The following PTPRM variants were observed in gnomAD, a reference collection of about 807,000 sequenced individuals.
The protein encoded by PTPRM is protein tyrosine phosphatase receptor type M.
In PTPRM, 47 loss-of-function variants were observed where a neutral mutation model predicts 186.7. The observed-to-expected ratio is 0.25, with a 90% confidence interval of 0.20 to 0.32. The LOEUF is 0.32. Among genes scored for constraint, PTPRM ranks in the 10% least tolerant of loss-of-function variants. The pLI is 1.00. For synonymous variants in PTPRM, 668 were observed against 674.9 expected (o/e 0.99, Z 0.16); for missense variants, 1,494 against 1,865.0 (o/e 0.80, Z 3.66).
chr18:7,993,614 C>T (rs574369309), intron 7 of PTPRM, among the ~76,000 whole-genome samples: 2 of 152,158 alleles, frequency 1.3e-5, no homozygotes, highest in East Asian at 3.9e-4. Context: ...GTGAAGAATA[C>T]TATATTCACC....
intron 14 of PTPRM, among the ~76,000 whole-genome samples, chr18:8,227,179 C>A (rs1186173165): frequency 6.6e-6 from 1 of 152,174 alleles, no homozygotes; most frequent in Non-Finnish European, 1.5e-5. Flanking sequence ...TATGCACCAA[C>A]CTAATAAAAT....
chr18:8,164,247 C>T (rs374425296), intron 14 of PTPRM, among the ~76,000 whole-genome samples: 8 of 152,174 alleles, frequency 5.3e-5, no homozygotes, highest in Non-Finnish European at 1.0e-4. Context: ...TCTTTAACAG[C>T]ATGCAGTCCC....
At chr18:8,209,007 G>C (rs1476206520) in intron 14 of PTPRM, among the ~76,000 whole-genome samples, 1 of 152,176 alleles carries the variant, frequency 6.6e-6, no homozygotes, top group Non-Finnish European at 1.5e-5. Flanking sequence ...GGCAGTTTAG[G>C]TCTGTGCTGG....
chr18:7,920,179 C>G (rs376845571), intron 4 of PTPRM, among the ~76,000 whole-genome samples: 8 of 152,020 alleles, frequency 5.3e-5, no homozygotes, highest in African/African-American at 1.7e-4. Flanking sequence ...ATAATTTGCT[C>G]CATTTACATT....
intron 23 of PTPRM, among the ~76,000 whole-genome samples, chr18:8,344,383 GAT>G (rs61028996): frequency 6.2e-5 from 9 of 144,826 alleles, no homozygotes; most frequent in South Asian, 2.2e-4. Flanking sequence ...CAGTAAGTAG[GAT>G]ATATATATAT....
At chr18:7,929,289 G>T (rs1179682140) in intron 5 of PTPRM, among the ~76,000 whole-genome samples, 2 of 152,108 alleles carry the variant, frequency 1.3e-5, no homozygotes, top group African/African-American at 4.8e-5. Context: ...TCCATGTACT[G>T]ATCTTTGAAT....
intron 14 of PTPRM, among the ~76,000 whole-genome samples, chr18:8,182,003 G>C (rs940564283): frequency 1.3e-5 from 2 of 152,096 alleles, no homozygotes; most frequent in African/African-American, 4.8e-5. Context: ...TACCTTAGGA[G>C]CTAGCTGCCT....
chr18:8,401,883 C>A (rs1170208506), intron 32 of PTPRM, among the ~76,000 whole-genome samples: 1 of 152,194 alleles, frequency 6.6e-6, no homozygotes, highest in African/African-American at 2.4e-5. Context: ...CGTCAGGGAC[C>A]TTGGTGAGGA....
intron 2 of PTPRM, among the ~76,000 whole-genome samples, chr18:7,776,022 C>T (rs1448786532): frequency 6.6e-6 from 1 of 152,180 alleles, no homozygotes; most frequent in African/African-American, 2.4e-5. Context: ...CAGGTGTATC[C>T]TGGCACAGCC....
chr18:7,697,642 A>C (rs961109605), intron 1 of PTPRM, among the ~76,000 whole-genome samples: 5 of 152,220 alleles, frequency 3.3e-5, no homozygotes, highest in African/African-American at 1.2e-4. Context: ...GATCCTTGTC[A>C]AACTATGAGA....
chr18:7,870,891 G>A (rs2047951028), intron 2 of PTPRM, among the ~76,000 whole-genome samples: 1 of 152,150 alleles, frequency 6.6e-6, no homozygotes, highest in Non-Finnish European at 1.5e-5. Flanking sequence ...AACTCTCATG[G>A]GGATAAAGTA....
intron 23 of PTPRM, among the ~76,000 whole-genome samples, chr18:8,355,362 C>T (rs62085048): frequency 0.089 from 13,568 of 151,990 alleles, 665 homozygotes; most frequent in African/African-American, 0.12. Context: ...AATTAATTGG[C>T]AAAGGAGGGA....
At chr18:8,193,854 G>A (rs1159863345) in intron 14 of PTPRM, among the ~76,000 whole-genome samples, 1 of 152,236 alleles carries the variant, frequency 6.6e-6, no homozygotes, top group Non-Finnish European at 1.5e-5. Context: ...ACCTTGGCCT[G>A]TCTTCTTAAA....
chr18:8,028,446 T>A (rs1206405424), intron 7 of PTPRM, among the ~76,000 whole-genome samples: 1 of 152,188 alleles, frequency 6.6e-6, no homozygotes, highest in Non-Finnish European at 1.5e-5. Flanking sequence ...TCCCGGAAAA[T>A]TTATTAAATA....
chr18:7,865,590 T>C (rs2047644190), intron 2 of PTPRM, among the ~76,000 whole-genome samples: 1 of 152,236 alleles, frequency 6.6e-6, no homozygotes, highest in Non-Finnish European at 1.5e-5. Context: ...ACTTTGCCAG[T>C]ATTTTATTGA....
chr18:8,301,905 C>G (rs567830063), intron 20 of PTPRM, among the ~76,000 whole-genome samples: 1 of 152,336 alleles, frequency 6.6e-6, no homozygotes, highest in African/African-American at 2.4e-5. Context: ...CCAACCAGGA[C>G]TTGAAACAGG....
chr18:7,639,453 C>T (rs1481919290), intron 1 of PTPRM, among the ~76,000 whole-genome samples: 4 of 150,846 alleles, frequency 2.7e-5, no homozygotes. Flanking sequence ...ATGGCGTGAT[C>T]TTGGCTCACT....
At chr18:8,237,431 ATTTTTTTTTTTTTTTT>A (rs59073560) in intron 14 of PTPRM, among the ~76,000 whole-genome samples, 118 of 71,680 alleles carry the variant, frequency 1.6e-3, no homozygotes, top group African/African-American at 5.8e-3. Context: ...GATTCCCTCA[ATTTTTTTTTTTTTTTT>A]TTTTTTTTTT....
rs190080096 is a variant in PTPRM at position 8,353,218 on chromosome 18, G to A, written c.3054+9698G>A. Reference sequence around the variant, plus strand: ...CTGATGAGGGAAGAACTCTGAGGCCGGGAAGCTAACTGCAGGCTTGTTGAT... The same window carrying A: ...CTGATGAGGGAAGAACTCTGAGGCCAGGAAGCTAACTGCAGGCTTGTTGAT... On this transcript the variant is annotated intron_variant, in intron 23 of 32. Transcript: ENST00000580170. Among the ~76,000 whole-genome samples, 512 of 152,262 alleles carry A rather than the reference G, an allele frequency of 3.4e-3. 4 individuals carry two copies. Among genetic ancestry groups the A allele is most frequent in the South Asian group, 0.013 (63 of 4,820 alleles).
Sources: gnomAD v4.1 joint callset for allele counts (sites outside exome capture counted in the v4.1 genomes callset) on GRCh38, gnomAD v4.1.1 for gene constraint, MANE v1.5 for transcripts, NCBI Gene and HGNC (gene_info 2026-07-23, HGNC 2026-07-21) for gene names.